Variants in SLC19A1 observed in about 807,000 individuals in gnomAD.
SLC19A1 encodes reduced folate transporter.
A neutral mutation model predicts 35.3 loss-of-function variants in SLC19A1; 37 were observed. The ratio of observed to expected loss-of-function variants is 1.05; its 90% CI spans 0.81 to 1.38. SLC19A1 has a LOEUF of 1.38. Ranked by LOEUF, SLC19A1 falls within the 40% of genes most tolerant of loss-of-function variation. The probability of loss-of-function intolerance (pLI) is 0.00; values close to 1 mark genes in which losing one functional copy is unlikely to be tolerated. For synonymous variants in SLC19A1, 460 were observed against 398.5 expected (o/e 1.15, Z -1.84); for missense variants, 831 against 826.9 (o/e 1.00, Z -0.06).
rs1403470934 is a variant in SLC19A1 at position 45,516,147 on chromosome 21, A to G, written c.1294-7T>C. ...ACACGGAGTATAACTGGAACTGGAA[A>G]GAGAGGCCGGGTGAGGCGGGTGGGG... is the stretch of plus-strand genomic sequence containing the variant. On this transcript the variant is annotated splice_region_variant and splice_polypyrimidine_tract_variant and intron_variant, in intron 5 of 5. Coordinates refer to ENST00000311124, the MANE Select transcript of SLC19A1 (RefSeq NM_194255.4). 2.5e-6 allele frequency: 4 copies of G among 1,600,692 alleles called. No individual in the cohort carries two copies. Among genetic ancestry groups the G allele is most frequent in the Non-Finnish European group, 2.6e-6 (3 of 1,171,738 alleles).
chr21:45,520,752 G>A (rs915218365), intron 5 of SLC19A1, among the ~76,000 whole-genome samples: 2 of 152,196 alleles, frequency 1.3e-5, no homozygotes, highest in African/African-American at 4.8e-5. Context: ...CGGGCATGGT[G>A]GCTCATGCCT....
At chr21:45,551,096 T>C in intron 1 of SLC19A1, among the ~76,000 whole-genome samples, 1 of 151,526 alleles carries the variant, frequency 6.6e-6, no homozygotes, top group East Asian at 1.9e-4. Flanking sequence ...CTGTTCCTCT[T>C]ATTTTCTTTC....
At chr21:45,553,429 G>A (rs1468277705) in intron 1 of SLC19A1, among the ~76,000 whole-genome samples, 1 of 151,998 alleles carries the variant, frequency 6.6e-6, no homozygotes, top group Non-Finnish European at 1.5e-5. Context: ...GCCAGCCCTA[G>A]GCCTTGCTGT....
At chr21:45,550,183 T>C (rs2146487629) in intron 1 of SLC19A1, among the ~76,000 whole-genome samples, 1 of 152,174 alleles carries the variant, frequency 6.6e-6, no homozygotes, top group East Asian at 1.9e-4. Flanking sequence ...CCTCCTGGTC[T>C]CTCCCACACC....
rs17004785 is a variant in SLC19A1, at chr21:45,512,704, G to A, written c.*2954C>T. 4.8e-5 allele frequency: 22 copies of A among 456,264 alleles called. 1 individual carries two copies. Among genetic ancestry groups the A allele is most frequent in the African/African-American group, 2.4e-4 (12 of 50,702 alleles). 28.3% of individuals were successfully genotyped at this position (456,264 alleles called of 1,614,324 possible). ...CAACCTCTTGGCCTGATCAGACCAC[G>A]GCTCGATTTCTCCAGGATTTCCTGC... On this transcript the variant is annotated 3_prime_UTR_variant, in exon 6 of 6. Coordinates refer to ENST00000311124, the MANE Select transcript of SLC19A1 (RefSeq NM_194255.4).
chr21:45,506,051 C>G (rs758092739), intron 3 of SLC19A1: 26 of 1,600,746 alleles, frequency 1.6e-5, no homozygotes, highest in Non-Finnish European at 2.0e-5. Context: ...AGGCTCAGGC[C>G]CCGGACAGGG....
downstream of SLC19A1, chr21:45,509,478 C>T (rs759202379): frequency 3.3e-6 from 5 of 1,523,412 alleles, no homozygotes; most frequent in Admixed American, 1.9e-5. Flanking sequence ...TCCTGGCCAG[C>T]CCCCCTCGCC....
downstream of SLC19A1, chr21:45,510,349 GC>G: frequency 7.2e-7 from 1 of 1,380,834 alleles, no homozygotes. Context: ...CCCCTCTAGG[GC>G]CTCTGGAGGC....
Position 45,515,085 on chromosome 21 carries a change from A to G in SLC19A1, c.*573T>C. On this transcript the variant is annotated 3_prime_UTR_variant, in exon 6 of 6. Coordinates refer to ENST00000311124, the MANE Select transcript of SLC19A1 (RefSeq NM_194255.4). ...AGAGCCGCTGCTCCCCTCTGATGAC[A>G]ATGTGTCTGCCGCCAACCTGAGATG... is the stretch of plus-strand genomic sequence containing the variant. The G allele has an allele frequency of 6.5e-7, 1 of 1,546,788 alleles. No individual in the cohort carries two copies. The highest frequency in any genetic ancestry group is 1.2e-5 in the South Asian group (1 of 83,426).
chr21:45,555,017 G>A (rs1250305607), intron 1 of SLC19A1, among the ~76,000 whole-genome samples: 1 of 150,758 alleles, frequency 6.6e-6, no homozygotes, highest in Non-Finnish European at 1.5e-5. Flanking sequence ...GTTATGCGTG[G>A]GGCCGCCCTG....
chr21:45,506,015 G>A lies in SLC19A1; in HGVS notation c.498-7403C>T, dbSNP rs148306731. ...CTGGACCCGTGGAAGGGCCGAAGCC[G>A]CCTCCTGGGGCTTAAGGAAGGCGAG... On this transcript the variant is annotated intron_variant, in intron 3 of 4. Coordinates refer to the SLC19A1 transcript ENST00000417954. The A allele has an allele frequency of 1.8e-4, 291 of 1,611,772 alleles. No individual in the cohort carries two copies. In the African/African-American group the frequency reaches 2.9e-3, roughly 16 times the overall value.
intron 1 of SLC19A1, among the ~76,000 whole-genome samples, chr21:45,559,521 C>T (rs2078595365): frequency 6.6e-6 from 1 of 152,140 alleles, no homozygotes; most frequent in Admixed American, 6.5e-5. Flanking sequence ...ATATTTTTTT[C>T]CAGTTGTTTT....
At position 45,540,673 on chromosome 21, in the gene SLC19A1, C is replaced by A. The variant is rs747794648; in HGVS notation, c.-50+1695G>T. ...ACCATCATAGAAACGCAGCCCCAAG[C>A]CAGGGGACGCCTAGACTCCAAGTGT... On this transcript the variant is annotated intron_variant, in intron 1 of 5. Coordinates refer to ENST00000311124, the MANE Select transcript of SLC19A1 (RefSeq NM_194255.4). This position sits in a 1 kb window ranked among gnomAD's most constrained non-coding sequence, Gnocchi z 5.5. Among the ~76,000 whole-genome samples, 1 of 152,200 alleles carries A rather than the reference C, an allele frequency of 6.6e-6. No homozygotes were observed. The highest frequency in any genetic ancestry group is 1.5e-5 in the Non-Finnish European group (1 of 68,040).
chr21:45,561,692 C>T (rs140822029), intron 1 of SLC19A1, among the ~76,000 whole-genome samples: 236 of 152,034 alleles, frequency 1.6e-3, no homozygotes, highest in Non-Finnish European at 2.5e-3. Flanking sequence ...ACCCAGGAGG[C>T]GGAGGTTGTA....
At chr21:45,526,084 C>T (rs2077606838) in intron 4 of SLC19A1, 126 bp from the exon 5 acceptor site, 1 of 975,350 alleles carries the variant, frequency 1.0e-6, no homozygotes, top group South Asian at 1.6e-5. Flanking sequence ...CCAGGGCACG[C>T]ACAAGCCCCC....
At chr21:45,508,054 G>T (rs2146106518), downstream of SLC19A1, among the ~76,000 whole-genome samples, 1 of 151,704 alleles carries the variant, frequency 6.6e-6, no homozygotes, top group Admixed American at 6.6e-5. Context: ...GGTAGATGGG[G>T]AGGTGGATGG....
At chr21:45,518,698 A>C (rs1568974799) in intron 5 of SLC19A1, among the ~76,000 whole-genome samples, 1 of 152,168 alleles carries the variant, frequency 6.6e-6, no homozygotes, top group Non-Finnish European at 1.5e-5. Context: ...AGGAAGGGGC[A>C]CCACATTTCT....
intron 1 of SLC19A1, among the ~76,000 whole-genome samples, chr21:45,539,687 C>T (rs1217588184): frequency 6.6e-6 from 1 of 152,196 alleles, no homozygotes; most frequent in Admixed American, 6.5e-5. Context: ...GAGAGAGAGA[C>T]CCTCCCCAGG....
intron 5 of SLC19A1, among the ~76,000 whole-genome samples, chr21:45,520,323 G>C (rs1395226455): frequency 6.6e-6 from 1 of 151,978 alleles, no homozygotes; most frequent in Non-Finnish European, 1.5e-5. Context: ...AATTAATAAA[G>C]TTCCAGCCAG....
Sources: allele counts gnomAD v4.1 joint callset (sites outside exome capture counted in the v4.1 genomes callset), GRCh38; gene constraint gnomAD v4.1.1; non-coding constraint Gnocchi (gnomAD v3.1); transcripts MANE v1.5; gene names NCBI Gene and HGNC (gene_info 2026-07-23, HGNC 2026-07-21).